The following TEAD4 variants were observed in gnomAD, a reference collection of about 807,000 sequenced individuals.
TEAD4 encodes the protein TEA domain transcription factor 4, also known as transcriptional enhancer factor TEF-3.
In TEAD4, 36 loss-of-function variants were observed where a neutral mutation model predicts 52.4. The ratio of observed to expected loss-of-function variants is 0.69; its 90% CI spans 0.53 to 0.91. The LOEUF (loss-of-function observed/expected upper bound fraction) is 0.91, where lower values mean the gene tolerates loss of function less well. TEAD4 is among the 40% of genes least tolerant of loss of function. The pLI, the probability that TEAD4 is intolerant of heterozygous loss-of-function variation, is 0.00. For synonymous variants in TEAD4, 220 were observed against 231.0 expected (o/e 0.95, Z 0.43); for missense variants, 508 against 583.9 (o/e 0.87, Z 1.34).
At chr12:2,967,570 C>T (rs1379086873) in intron 2 of TEAD4, among the ~76,000 whole-genome samples, 2 of 152,072 alleles carry the variant, frequency 1.3e-5, no homozygotes, top group Non-Finnish European at 2.9e-5. Flanking sequence ...TTCAAAGCAT[C>T]AATTATGTAA....
intron 10 of TEAD4, among the ~76,000 whole-genome samples, chr12:3,027,189 C>T (rs903251093): frequency 1.3e-5 from 2 of 152,044 alleles, no homozygotes; most frequent in Non-Finnish European, 1.5e-5. Flanking sequence ...AGAGGGGTTT[C>T]GCTATGTTGG....
intron 2 of TEAD4, among the ~76,000 whole-genome samples, chr12:2,962,057 T>C (rs1177350503): frequency 1.3e-5 from 2 of 151,982 alleles, no homozygotes; most frequent in East Asian, 3.9e-4. Context: ...TGCTGAACAT[T>C]ATTAGATACC....
At chr12:2,998,673 T>C (rs1169399087) in intron 3 of TEAD4, among the ~76,000 whole-genome samples, 2 of 152,058 alleles carry the variant, frequency 1.3e-5, no homozygotes, top group African/African-American at 4.8e-5. Flanking sequence ...GAGGGAGGAA[T>C]GGCACCTCTG....
intron 11 of TEAD4, among the ~76,000 whole-genome samples, chr12:3,039,710 GAC>G (rs2098281503): frequency 6.6e-6 from 1 of 152,130 alleles, no homozygotes; most frequent in South Asian, 2.1e-4. Context: ...CTTTTTGTGA[GAC>G]AGTCTCACTC....
chr12:3,005,930 G>T (rs571089135), intron 3 of TEAD4, among the ~76,000 whole-genome samples: 1 of 152,256 alleles, frequency 6.6e-6, no homozygotes, highest in South Asian at 2.1e-4. Flanking sequence ...GAGTCATGAC[G>T]CCCAGTCAAG....
At chr12:3,027,730 G>A (rs1231148871) in intron 10 of TEAD4, among the ~76,000 whole-genome samples, 1 of 152,164 alleles carries the variant, frequency 6.6e-6, no homozygotes, top group Non-Finnish European at 1.5e-5. Context: ...AGCCAGGCAT[G>A]GTGGTGCGTG....
intron 2 of TEAD4, among the ~76,000 whole-genome samples, chr12:2,990,776 C>G (rs2098242406): frequency 2.0e-5 from 3 of 152,078 alleles, no homozygotes. Flanking sequence ...CAGAGAACGC[C>G]TGGCCCAGAG....
intron 2 of TEAD4, among the ~76,000 whole-genome samples, chr12:2,973,033 G>A (rs369337940): frequency 6.6e-6 from 1 of 152,016 alleles, no homozygotes; most frequent in South Asian, 2.1e-4. Context: ...CCCTGGCCAC[G>A]CTGATCTGTT....
intron 2 of TEAD4, among the ~76,000 whole-genome samples, chr12:2,981,312 C>T (rs961525055): frequency 6.6e-5 from 10 of 152,224 alleles, no homozygotes; most frequent in African/African-American, 1.7e-4. Context: ...TCTTCTTTCC[C>T]GCCCAGGTCC....
chr12:3,001,459 C>G (rs2098251630), intron 3 of TEAD4, among the ~76,000 whole-genome samples: 1 of 152,198 alleles, frequency 6.6e-6, no homozygotes, highest in Non-Finnish European at 1.5e-5. Context: ...TATGATTTGC[C>G]TATTCTAGGC....
intron 3 of TEAD4, among the ~76,000 whole-genome samples, chr12:3,001,526 C>T (rs986221135): frequency 6.6e-6 from 1 of 152,206 alleles, no homozygotes; most frequent in African/African-American, 2.4e-5. Context: ...AATCCCAGCA[C>T]TTTGGGAGGC....
chr12:2,962,327 A>AATATAT lies in TEAD4; in HGVS notation c.-30+2292_-30+2293insTATATA, dbSNP rs745423413. Among the ~76,000 whole-genome samples, 123 of 112,748 alleles carry AATATAT rather than the reference A, an allele frequency of 1.1e-3. 2 individuals carry two copies. Among genetic ancestry groups the AATATAT allele is most frequent in the Non-Finnish European group, 1.3e-3 (82 of 62,352 alleles). 74.0% of individuals were successfully genotyped at this position (112,748 alleles called of 152,430 possible). A position where few individuals can be genotyped will look rare whatever the true frequency, so the allele number is the denominator to read the frequency against. On this transcript the variant is annotated intron_variant, in intron 2 of 12. Transcript: ENST00000359864. The stretch of plus-strand genomic sequence containing the variant: ...ATATAAATATATAAATATATATATA[A>AATATAT]ATATAAATATATATATATATTTTTT...
intron 5 of TEAD4, among the ~76,000 whole-genome samples, chr12:3,015,877 G>A (rs2098264105): frequency 6.6e-6 from 1 of 151,762 alleles, no homozygotes; most frequent in East Asian, 1.9e-4. Context: ...TTTTATCTTT[G>A]TCATTAAAAA....
At chr12:3,004,945 CG>C (rs552187547) in intron 3 of TEAD4, among the ~76,000 whole-genome samples, 17 of 152,184 alleles carry the variant, frequency 1.1e-4, no homozygotes, top group Non-Finnish European at 1.8e-4. Context: ...CACTCCCTCA[CG>C]GGGGGTTCTC....
chr12:2,987,398 A>G (rs2098239363), intron 2 of TEAD4, among the ~76,000 whole-genome samples: 1 of 146,902 alleles, frequency 6.8e-6, no homozygotes, highest in Admixed American at 7.0e-5. Context: ...GTGTTTTCAG[A>G]ATCAGCTTGT....
chr12:3,013,232 A>G (rs11831056), intron 5 of TEAD4, among the ~76,000 whole-genome samples: 25,249 of 150,324 alleles, frequency 0.17, 4,724 homozygotes, highest in African/African-American at 0.46. Context: ...AATTATAGGC[A>G]TGAGCCACTG....
chr12:2,986,533 G>A lies in TEAD4; in HGVS notation c.-29-8205G>A, dbSNP rs181243466. Among the ~76,000 whole-genome samples, 117 of 151,910 alleles carry A rather than the reference G, an allele frequency of 7.7e-4. 1 individual carries two copies. In the East Asian group the frequency reaches 0.02, roughly 26 times the overall value. ...TACGTGCCTGTAATCCCAGCTACTC[G>A]GGAGGCTGAGTCACGAGAATCGCTT... On this transcript the variant is annotated intron_variant, in intron 2 of 12. Transcript: ENST00000359864.
Position 3,019,163 on chromosome 12 carries a change from T to C in TEAD4, c.576T>C (p.Pro192=). Residue 192 remains proline, a synonymous_variant, in exon 8 of 13, where the codon CCT becomes CCC. Transcript: ENST00000359864. ...CCTATGCTGTCCAGCCTCCGCTGCC[T>C]CTGCCAGGTGGGTGGGCGCTGCGTG... 6.2e-7 allele frequency: 1 copy of C among 1,614,022 alleles called. No individual in the cohort carries two copies.
At chr12:2,999,800 C>T (rs569828077) in intron 3 of TEAD4, among the ~76,000 whole-genome samples, 25 of 152,332 alleles carry the variant, frequency 1.6e-4, no homozygotes, top group South Asian at 6.2e-4. Context: ...GCCTGCTCCC[C>T]GCCTTCCCCG....
Sources: allele counts gnomAD v4.1 joint callset (sites outside exome capture counted in the v4.1 genomes callset), GRCh38; gene constraint gnomAD v4.1.1; transcripts MANE v1.5; gene names NCBI Gene and HGNC (gene_info 2026-07-23, HGNC 2026-07-21).